The following DCAF6 variants were observed in gnomAD, a reference collection of about 807,000 sequenced individuals.
The protein encoded by DCAF6 is DDB1- and CUL4-associated factor 6.
In DCAF6, 54 loss-of-function variants were observed where a neutral mutation model predicts 125.1. The ratio of observed to expected loss-of-function variants is 0.43; its 90% CI spans 0.35 to 0.54. DCAF6 has a LOEUF of 0.54. DCAF6 is among the 20% of genes least tolerant of loss of function. The pLI is 0.01. For missense variants in DCAF6, 934 were observed against 1,161.7 expected (o/e 0.80, Z 2.85); for synonymous variants, 371 against 390.4 (o/e 0.95, Z 0.58).
At chr1:168,017,720 A>G (rs1034861876) in intron 11 of DCAF6, among the ~76,000 whole-genome samples, 30 of 152,272 alleles carry the variant, frequency 2.0e-4, no homozygotes, top group African/African-American at 6.3e-4. Flanking sequence ...TTGTATATGG[A>G]CATTAATTGA....
At chr1:167,918,753 C>T in the DCAF6 span, among the ~76,000 whole-genome samples, 1 of 151,936 alleles carries the variant, frequency 6.6e-6, no homozygotes, top group African/African-American at 2.4e-5. Context: ...GCCACCACTT[C>T]TGGCTAATTT....
chr1:168,066,278 C>A lies in DCAF6; in HGVS notation c.2597-99C>A. ...AAATATATAGTGTACAATTGCTGTT[C>A]AAGGTTAGTTTTGCTATATATACAT... On this transcript the variant is annotated intron_variant, in intron 19 of 21. Transcript: ENST00000367840. The A allele has an allele frequency of 6.3e-6, 4 of 632,120 alleles. No homozygotes were observed. In the East Asian group the frequency reaches 1.2e-4, roughly 19 times the overall value. The allele number at this position is 632,120 out of a possible 1,614,324, so 39.2% of individuals were successfully genotyped here.
chr1:168,029,007 T>C (rs2103289133), intron 12 of DCAF6, among the ~76,000 whole-genome samples: 1 of 152,314 alleles, frequency 6.6e-6, no homozygotes, highest in East Asian at 1.9e-4. Flanking sequence ...TAGTTATCAC[T>C]TAGTTACTTG....
At chr1:167,985,866 C>G (rs1329241727) in intron 4 of DCAF6, among the ~76,000 whole-genome samples, 1 of 152,098 alleles carries the variant, frequency 6.6e-6, no homozygotes, top group African/African-American at 2.4e-5. Flanking sequence ...AACAGCCCCC[C>G]ATAAGTCCTT....
chr1:168,071,433 G>A (rs190150831), intron 21 of DCAF6, among the ~76,000 whole-genome samples: 7 of 151,772 alleles, frequency 4.6e-5, no homozygotes, highest in East Asian at 1.9e-4. Context: ...GCAAAACCCC[G>A]TCTCTATAAA....
intron 4 of DCAF6, among the ~76,000 whole-genome samples, chr1:167,975,230 A>G: frequency 6.6e-6 from 1 of 152,200 alleles, no homozygotes. Context: ...AGATGCAAGT[A>G]ATAGTACTCT....
At chr1:167,996,515 G>C (rs558992651) in intron 7 of DCAF6, among the ~76,000 whole-genome samples, 1 of 152,186 alleles carries the variant, frequency 6.6e-6, no homozygotes, top group South Asian at 2.1e-4. Flanking sequence ...TTTCTAACCA[G>C]TCTTCCTGCT....
At chr1:167,914,517 G>A in the DCAF6 span, among the ~76,000 whole-genome samples, 1 of 152,184 alleles carries the variant, frequency 6.6e-6, no homozygotes, top group South Asian at 2.1e-4. Context: ...CTTACCTTCA[G>A]ATATATTTGT....
At chr1:167,916,633 T>C in the DCAF6 span, 3 of 152,220 alleles carry the variant, frequency 2.0e-5, no homozygotes, top group African/African-American at 4.8e-5. Context: ...CTGCCTATGA[T>C]TGTATCTAAA....
intron 12 of DCAF6, among the ~76,000 whole-genome samples, chr1:168,032,093 A>G (rs1352416573): frequency 6.6e-6 from 1 of 152,254 alleles, no homozygotes; most frequent in Non-Finnish European, 1.5e-5. Flanking sequence ...TATAATTGAC[A>G]TAGAGTTGAG....
chr1:167,996,785 G>A (rs1386163564), intron 7 of DCAF6, among the ~76,000 whole-genome samples: 1 of 152,018 alleles, frequency 6.6e-6, no homozygotes, highest in East Asian at 1.9e-4. Context: ...TTAGGATTTT[G>A]CATTTACTCT....
At chr1:167,901,531 G>A in the DCAF6 span, 1 of 947,668 alleles carries the variant, frequency 1.1e-6, no homozygotes, top group Non-Finnish European at 1.7e-6. Flanking sequence ...TGATTGTCCT[G>A]ATGCCAAAGT....
chr1:167,904,739 G>A, the DCAF6 span: 1 of 613,960 alleles, frequency 1.6e-6, no homozygotes, highest in East Asian at 2.7e-5. Context: ...TTGGGGCAGA[G>A]ATACTGGAGC....
At position 168,041,787 on chromosome 1, in the gene DCAF6, A is replaced by G. The variant is rs557245744; in HGVS notation, c.1728-1238A>G. On this transcript the variant is annotated intron_variant, in intron 13 of 21. Coordinates refer to ENST00000367840, the MANE Select transcript of DCAF6 (RefSeq NM_001198956.2). ...TAAGCGTTTTATTCATGCCTGAATC[A>G]TAGCTTTCTCAATGGAAAAAATAAA... is the stretch of plus-strand genomic sequence containing the variant. Among the ~76,000 whole-genome samples the G allele has an allele frequency of 2.0e-4, 30 of 152,004 alleles. No homozygotes were observed. In the East Asian group the frequency reaches 5.6e-3, roughly 28 times the overall value.
chr1:167,987,836 T>C (rs1043131697), intron 5 of DCAF6, among the ~76,000 whole-genome samples: 1 of 152,132 alleles, frequency 6.6e-6, no homozygotes, highest in African/African-American at 2.4e-5. Flanking sequence ...GGAGAACTTA[T>C]ATTTTAATTG....
Position 168,043,081 on chromosome 1 carries a change from A to G in DCAF6, c.1784A>G (p.Gln595Arg). 6.2e-7 allele frequency: 1 copy of G among 1,613,138 alleles called. No individual in the cohort carries two copies. Among genetic ancestry groups the G allele is most frequent in the Non-Finnish European group, 8.5e-7 (1 of 1,179,404 alleles). Residue 595 changes from glutamine (Q) to arginine (R), a missense_variant, in exon 14 of 22, where the codon CAG (glutamine) becomes CGG (arginine). This residue lies in a region of DCAF6 where 559 missense variants were observed against 635.5 expected (regional missense o/e 0.88). Transcript: ENST00000367840. ...GIGSHCKSEG[Q>R]EESFVPQSSV... ...GGGAGCCATTGCAAATCTGAGGGTC[A>G]GGAGGAATCTTTCGTCCCACAGAGC...
At chr1:168,050,521 T>C (rs1689781360) in intron 16 of DCAF6, among the ~76,000 whole-genome samples, 4 of 152,178 alleles carry the variant, frequency 2.6e-5, no homozygotes, top group Admixed American at 2.0e-4. Flanking sequence ...GGCTTAATTA[T>C]TTATTTTCCA....
At chr1:167,949,684 G>GGT (rs1257959861) in intron 1 of DCAF6, among the ~76,000 whole-genome samples, 27 of 152,266 alleles carry the variant, frequency 1.8e-4, no homozygotes, top group Non-Finnish European at 2.8e-4. Context: ...TTAGGAGTTT[G>GGT]GTGTCTTTTG....
the DCAF6 span, among the ~76,000 whole-genome samples, chr1:167,910,383 A>G: frequency 0.025 from 3,735 of 152,382 alleles, 57 homozygotes; most frequent in Middle Eastern, 0.051. Context: ...GAGACTGGAA[A>G]TAAGTCAGAA....
Sources: gnomAD v4.1 joint callset for allele counts (sites outside exome capture counted in the v4.1 genomes callset) on GRCh38, gnomAD v4.1.1 for gene constraint, gnomAD v4.1.1 regional missense constraint, MANE v1.5 for transcripts, NCBI Gene and HGNC (gene_info 2026-07-23, HGNC 2026-07-21) for gene names.